Variants in AKAP19 observed in about 807,000 individuals in gnomAD.
AKAP19 encodes the protein A-kinase anchoring protein 19.
chr2:190,053,050 T>C, the AKAP19 span, among the ~76,000 whole-genome samples: 1 of 152,222 alleles, frequency 6.6e-6, no homozygotes, highest in Admixed American at 6.5e-5. Flanking sequence ...AATAGCATAA[T>C]ACTGTTAAAA....
At chr2:189,914,662 G>A in the AKAP19 span, among the ~76,000 whole-genome samples, 1 of 152,028 alleles carries the variant, frequency 6.6e-6, no homozygotes, top group African/African-American at 2.4e-5. Flanking sequence ...TATTTAAAAT[G>A]TTGCTTCATT....
At chr2:189,930,915 C>CTGGCAG in the AKAP19 span, 3 of 713,586 alleles carry the variant, frequency 4.2e-6, no homozygotes, top group Non-Finnish European at 7.7e-6. Context: ...GCTCCTGATA[C>CTGGCAG]GGCTTAGTTC....
the AKAP19 span, among the ~76,000 whole-genome samples, chr2:190,119,904 G>A: frequency 6.6e-6 from 1 of 152,228 alleles, no homozygotes; most frequent in Admixed American, 6.5e-5. Flanking sequence ...AGAAATAGTA[G>A]ACTGAGGGAA....
the AKAP19 span, among the ~76,000 whole-genome samples, chr2:189,976,844 G>A: frequency 6.6e-6 from 1 of 152,184 alleles, no homozygotes; most frequent in Non-Finnish European, 1.5e-5. Flanking sequence ...TATTAGGGTG[G>A]GAGTGACCCA....
the AKAP19 span, among the ~76,000 whole-genome samples, chr2:189,928,565 A>G: frequency 6.6e-6 from 1 of 152,176 alleles, no homozygotes; most frequent in Non-Finnish European, 1.5e-5. Context: ...AAATTTAAGC[A>G]AGATACATGT....
chr2:190,197,574 C>G, the AKAP19 span, among the ~76,000 whole-genome samples: 1 of 152,140 alleles, frequency 6.6e-6, no homozygotes, highest in Non-Finnish European at 1.5e-5. This position sits in a 1 kb window ranked among gnomAD's most constrained non-coding sequence, Gnocchi z 4.0. Flanking sequence ...AGTTGCCACT[C>G]TCTGACTCTC....
chr2:190,173,668 C>A, the AKAP19 span, among the ~76,000 whole-genome samples: 2 of 152,184 alleles, frequency 1.3e-5, no homozygotes, highest in Non-Finnish European at 2.9e-5. Context: ...ACCAGACCAT[C>A]GTCTTCTAAG....
chr2:189,995,409 T>C, the AKAP19 span, among the ~76,000 whole-genome samples: 1 of 152,346 alleles, frequency 6.6e-6, no homozygotes, highest in South Asian at 2.1e-4. Context: ...TTAAAGTCTG[T>C]TTTGTCTGAT....
the AKAP19 span, among the ~76,000 whole-genome samples, chr2:189,949,324 C>T: frequency 1.5e-4 from 23 of 151,928 alleles, no homozygotes; most frequent in Admixed American, 8.5e-4. Flanking sequence ...GAGGCCAAGG[C>T]GAGTGGATCA....
the AKAP19 span, among the ~76,000 whole-genome samples, chr2:190,024,901 C>T: frequency 6.6e-6 from 1 of 152,130 alleles, no homozygotes; most frequent in Non-Finnish European, 1.5e-5. Context: ...GCTAGTTGAT[C>T]TGTATTCACT....
the AKAP19 span, among the ~76,000 whole-genome samples, chr2:189,960,232 T>C: frequency 6.6e-6 from 1 of 152,206 alleles, no homozygotes; most frequent in African/African-American, 2.4e-5. Context: ...AAACTACCCA[T>C]CCTTATAAGG....
chr2:189,945,685 T>C, the AKAP19 span, among the ~76,000 whole-genome samples: 1 of 152,208 alleles, frequency 6.6e-6, no homozygotes, highest in African/African-American at 2.4e-5. Flanking sequence ...ACATTGTAAA[T>C]TATAGATTGG....
chr2:189,936,688 G>T, the AKAP19 span, among the ~76,000 whole-genome samples: 1 of 152,038 alleles, frequency 6.6e-6, no homozygotes, highest in African/African-American at 2.4e-5. Flanking sequence ...ATTTTTCATG[G>T]TATAGCTGTA....
At chr2:189,988,991 A>G in the AKAP19 span, among the ~76,000 whole-genome samples, 2 of 152,244 alleles carry the variant, frequency 1.3e-5, no homozygotes, top group Non-Finnish European at 2.9e-5. Flanking sequence ...GCATATGTCA[A>G]TGCAATGAGA....
the AKAP19 span, chr2:190,150,293 A>T: frequency 5.9e-5 from 9 of 151,908 alleles, no homozygotes; most frequent in Non-Finnish European, 1.0e-4. Context: ...CTCCCTGTGG[A>T]GTTTCACTCC....
the AKAP19 span, among the ~76,000 whole-genome samples, chr2:189,958,322 C>A: frequency 6.6e-6 from 1 of 151,932 alleles, no homozygotes; most frequent in Non-Finnish European, 1.5e-5. Flanking sequence ...CATATTAAAA[C>A]TACAAGTAAA....
At chr2:190,060,015 A>C in the AKAP19 span, 1 of 1,570,188 alleles carries the variant, frequency 6.4e-7, no homozygotes, top group African/African-American at 1.4e-5. Context: ...TCATATTATG[A>C]ATAAAAACAT....
the AKAP19 span, among the ~76,000 whole-genome samples, chr2:189,934,798 T>A: frequency 2.0e-5 from 3 of 151,736 alleles, no homozygotes; most frequent in Admixed American, 1.3e-4. Context: ...ACAATTCAAG[T>A]CTTTCTTAAA....
the AKAP19 span, among the ~76,000 whole-genome samples, chr2:190,097,887 GA>G: frequency 7.6e-6 from 1 of 131,320 alleles, no homozygotes; most frequent in African/African-American, 2.8e-5. Context: ...AAAAAGAAAA[GA>G]AAAGAAAAGA....
Sources: gnomAD v4.1 joint callset for allele counts (sites outside exome capture counted in the v4.1 genomes callset) on GRCh38, gnomAD v4.1.1 for gene constraint, Gnocchi (gnomAD v3.1) non-coding constraint, MANE v1.5 for transcripts, NCBI Gene and HGNC (gene_info 2026-07-23, HGNC 2026-07-21) for gene names.